The following NAF1 variants were observed in gnomAD, a reference collection of about 807,000 sequenced individuals.
NAF1 encodes the protein H/ACA ribonucleoprotein complex non-core subunit NAF1.
Under a neutral mutation model 40.6 loss-of-function variants are expected in NAF1, and 11 were observed. That is an observed-to-expected ratio of 0.27 (90% confidence interval 0.17 to 0.45). NAF1 has a LOEUF of 0.45. Ranked by LOEUF, NAF1 falls within the 20% of genes least tolerant of loss-of-function variation. NAF1 has a pLI of 1.00. For missense variants in NAF1, 607 were observed against 611.1 expected, an observed-to-expected ratio of 0.99 and a Z score of 0.07; for synonymous variants, 260 against 228.5, an observed-to-expected ratio of 1.14 and a Z score of -1.24.
intron 1 of NAF1, among the ~76,000 whole-genome samples, chr4:163,165,212 T>C (rs1732401328): frequency 6.6e-6 from 1 of 152,194 alleles, no homozygotes; most frequent in Non-Finnish European, 1.5e-5. Context: ...AAAAAGTGCA[T>C]TATACTAACT....
At chr4:163,117,617 GA>G (rs1389369172) in intron 2 of NAF1, 1 of 150,248 alleles carries the variant, frequency 6.7e-6, no homozygotes, top group Non-Finnish European at 1.5e-5. Context: ...ACCAGAAAGG[GA>G]AAGCAAATGT....
downstream of NAF1, among the ~76,000 whole-genome samples, chr4:163,122,944 T>C (rs1048457083): frequency 6.6e-6 from 1 of 152,220 alleles, no homozygotes; most frequent in South Asian, 2.1e-4. Flanking sequence ...ACATGTCCTT[T>C]GGTAAGTTAT....
intron 2 of NAF1, among the ~76,000 whole-genome samples, chr4:163,151,313 C>A (rs559173788): frequency 6.6e-6 from 1 of 151,486 alleles, no homozygotes; most frequent in South Asian, 2.1e-4. Flanking sequence ...TAGAAAGGTC[C>A]TCCCTATCCC....
Position 163,166,837 on chromosome 4 carries a change from G to A in NAF1, c.-110C>T. On this transcript the variant is annotated 5_prime_UTR_variant, in exon 1 of 8. Transcript: ENST00000274054. ...TAGGCAACCGCAGCAACACTGCCTG[G>A]GCCCAACTTCCCGCGTTTCTCAGGT... is the stretch of plus-strand genomic sequence containing the variant. The A allele has an allele frequency of 2.8e-6, 4 of 1,420,426 alleles. No homozygotes were observed. Among genetic ancestry groups the A allele is most frequent in the East Asian group, 2.5e-5 (1 of 40,486 alleles). 88.0% of individuals were successfully genotyped at this position (1,420,426 alleles called of 1,614,324 possible).
intron 2 of NAF1, among the ~76,000 whole-genome samples, chr4:163,121,697 A>G (rs1402000067): frequency 1.3e-4 from 20 of 152,224 alleles, no homozygotes; most frequent in Admixed American, 1.3e-3. Flanking sequence ...AAGATCTAAT[A>G]TTTAATAATA....
intron 2 of NAF1, among the ~76,000 whole-genome samples, chr4:163,118,830 G>C (rs1730431106): frequency 6.6e-6 from 1 of 152,122 alleles, no homozygotes; most frequent in African/African-American, 2.4e-5. Flanking sequence ...CCCACATTAG[G>C]AACTGTCATG....
At chr4:163,133,583 A>T in intron 6 of NAF1, 1 of 205,348 alleles carries the variant, frequency 4.9e-6, no homozygotes. Context: ...AGCAAATTAT[A>T]TATATTATCA....
downstream of NAF1, chr4:163,110,066 G>A (rs2110788938): frequency 2.1e-6 from 1 of 473,092 alleles, no homozygotes. Flanking sequence ...AGAACATTCA[G>A]TAAGATAGCT....
intron 2 of NAF1, among the ~76,000 whole-genome samples, chr4:163,161,605 T>C (rs1310680183): frequency 1.3e-5 from 2 of 152,300 alleles, no homozygotes; most frequent in Admixed American, 1.3e-4. Context: ...GTGACTAGCC[T>C]TCACAGCTGC....
intron 2 of NAF1, among the ~76,000 whole-genome samples, chr4:163,159,241 C>T (rs1553961979): frequency 1.3e-5 from 2 of 151,970 alleles, no homozygotes; most frequent in Non-Finnish European, 2.9e-5. Context: ...AGATATAAAA[C>T]TTTAATTTAA....
chr4:163,163,119 A>C (rs1732293577), intron 2 of NAF1, among the ~76,000 whole-genome samples: 1 of 152,246 alleles, frequency 6.6e-6, no homozygotes, highest in Non-Finnish European at 1.5e-5. Context: ...CAAGCAAGAA[A>C]GACCAAACAA....
chr4:163,152,777 C>T (rs1370531218), intron 2 of NAF1, among the ~76,000 whole-genome samples: 2 of 152,262 alleles, frequency 1.3e-5, no homozygotes, highest in East Asian at 3.9e-4. Context: ...CACCGCTGCA[C>T]TGTGGGAGCC....
intron 2 of NAF1, among the ~76,000 whole-genome samples, chr4:163,153,049 C>T (rs1417451066): frequency 6.6e-6 from 1 of 152,224 alleles, no homozygotes; most frequent in Non-Finnish European, 1.5e-5. Flanking sequence ...CAGCACTGCG[C>T]TCGATTTCTC....
Position 163,129,253 on chromosome 4 carries a change from A to G in NAF1, c.1129T>C (p.Phe377Leu). The change falls in exon 8 of 8, where the codon TTT becomes CTT. Residue 377 changes from phenylalanine (F) to leucine (L), a missense_variant. Phe to Leu is a conservative substitution (Grantham distance 22). This residue lies in a region of NAF1 where 189 missense variants were observed against 216.6 expected (regional missense o/e 0.87). Coordinates refer to ENST00000274054, the MANE Select transcript of NAF1 (RefSeq NM_138386.3). Reference protein sequence around the residue: ...GYRNREFTRGFSRARYPRSCH... With the variant: ...GYRNREFTRGLSRARYPRSCH... ...GATCGAGGGTATCTGGCCCTGGAAA[A>G]TCCTCGTGTGAATTCTCTGTTACGA... 6.2e-7 allele frequency: 1 copy of G among 1,614,104 alleles called. No individual in the cohort carries two copies. The highest frequency in any genetic ancestry group is 8.5e-7 in the Non-Finnish European group (1 of 1,180,008).
At chr4:163,140,124 A>G in intron 5 of NAF1, 99 bp downstream of exon 5, 2 of 937,744 alleles carry the variant, frequency 2.1e-6, no homozygotes, top group Non-Finnish European at 3.1e-6. Context: ...TCTTTGCAAG[A>G]CACACACAAT....
chr4:163,161,197 G>T (rs186570109), intron 2 of NAF1, among the ~76,000 whole-genome samples: 1 of 152,268 alleles, frequency 6.6e-6, no homozygotes, highest in East Asian at 1.9e-4. Flanking sequence ...ATCTGTCCAG[G>T]CACGGTGGCT....
At chr4:163,114,745 C>T (rs1730273704) in intron 2 of NAF1, among the ~76,000 whole-genome samples, 3 of 152,110 alleles carry the variant, frequency 2.0e-5, no homozygotes, top group Admixed American at 1.3e-4. Context: ...AAATGGGTGA[C>T]ATTGTCTCTT....
rs1415066142 is a variant in NAF1 at position 163,129,244 on chromosome 4, C to A, written c.1138G>T (p.Ala380Ser). The A allele has an allele frequency of 1.9e-6, 3 of 1,613,952 alleles. No homozygotes were observed. The highest frequency in any genetic ancestry group is 1.3e-5 in the African/African-American group (1 of 74,886). The change falls in exon 8 of 8, where the codon GCC becomes TCC. Residue 380 changes from alanine (A) to serine (S), a missense_variant. Ala to Ser is a moderately conservative substitution (Grantham distance 99). Coordinates refer to ENST00000274054, the MANE Select transcript of NAF1 (RefSeq NM_138386.3). ...NREFTRGFSR[A>S]RYPRSCHGRP... is the part of the protein sequence containing the mutation. ...CCATGGCAAGATCGAGGGTATCTGG[C>A]CCTGGAAAATCCTCGTGTGAATTCT... is the stretch of plus-strand genomic sequence containing the variant.
intron 2 of NAF1, 52 bp from the exon 3 acceptor site, chr4:163,148,486 TA>T (rs754068605): frequency 1.2e-4 from 154 of 1,256,536 alleles, no homozygotes; most frequent in Admixed American, 3.9e-4. Context: ...TTCAACAACT[TA>T]AAAAAAATAA....
Sources: gnomAD v4.1 joint callset for allele counts (sites outside exome capture counted in the v4.1 genomes callset) on GRCh38, gnomAD v4.1.1 for gene constraint, gnomAD v4.1.1 regional missense constraint, MANE v1.5 for transcripts, NCBI Gene and HGNC (gene_info 2026-07-23, HGNC 2026-07-21) for gene names.